Variants in SPDYE1 observed in about 807,000 individuals in gnomAD.
SPDYE1 encodes the protein speedy/RINGO cell cycle regulator family member E1.
SPDYE1 carries 29 observed loss-of-function variants against 45.9 expected under a neutral mutation model. The ratio of observed to expected loss-of-function variants is 0.63; its 90% CI spans 0.47 to 0.86. SPDYE1 has a LOEUF of 0.86. SPDYE1 is among the 40% of genes least tolerant of loss of function. SPDYE1 has a pLI of 0.00. For missense variants in SPDYE1, 346 were observed against 481.4 expected, an observed-to-expected ratio of 0.72 and a Z score of 2.63; for synonymous variants, 134 against 176.8, an observed-to-expected ratio of 0.76 and a Z score of 1.92.
intron 3 of SPDYE1, among the ~76,000 whole-genome samples, chr7:44,002,323 A>AC (rs1299767073): frequency 1.5e-5 from 2 of 129,414 alleles, no homozygotes; most frequent in Admixed American, 8.0e-5. Flanking sequence ...CAACAACAAA[A>AC]AAAAAAAAAA....
chr7:44,009,544 T>C lies in SPDYE1; in HGVS notation c.*923T>C, dbSNP rs986538563. The C allele has an allele frequency of 8.6e-5, 13 of 150,386 alleles. No homozygotes were observed. Among genetic ancestry groups the C allele is most frequent in the Middle Eastern group, 3.2e-3 (1 of 308 alleles). The allele number at this position is 150,386 out of a possible 1,614,324, so 9.3% of individuals were successfully genotyped here. A position where few individuals can be genotyped will look rare whatever the true frequency, so the allele number is the denominator to read the frequency against. On this transcript the variant is annotated 3_prime_UTR_variant, in exon 9 of 9. Coordinates refer to ENST00000693451, the MANE Select transcript of SPDYE1 (RefSeq NM_001378423.2). Reference sequence around the variant, plus strand: ...AACACGTCTAATATATACTATTTTATTGGTTTATTTTGAAAAACATGGGTA... The same window carrying C: ...AACACGTCTAATATATACTATTTTACTGGTTTATTTTGAAAAACATGGGTA...
intron 6 of SPDYE1, 126 bp from the exon 7 acceptor site, chr7:44,007,142 T>A: frequency 6.3e-7 from 1 of 1,582,670 alleles, no homozygotes; most frequent in Middle Eastern, 2.3e-4. Flanking sequence ...AAGGCATGGC[T>A]CTCTGCAGGG....
rs146921352 is a variant in SPDYE1, at chr7:44,001,199, G to A, written c.294G>A (p.Thr98=). The A allele has an allele frequency of 7.0e-4, 1,125 of 1,598,268 alleles. 7 individuals carry two copies. In the African/African-American group the frequency reaches 0.013, roughly 19 times the overall value. ...PEPEETWVVE[T]LCGLKMKLKQ... The stretch of plus-strand genomic sequence containing the variant: ...CTGAGGAGACCTGGGTAGTGGAGAC[G>A]CTGTGTGGGCTCAAGATGAAGCTGA... The change falls in exon 3 of 9, where the codon ACG becomes ACA. Residue 98 remains threonine, a synonymous_variant. Coordinates refer to ENST00000693451, the MANE Select transcript of SPDYE1 (RefSeq NM_001378423.2).
chr7:44,004,586 G>A (rs1273542388), intron 5 of SPDYE1: 1 of 188,680 alleles, frequency 5.3e-6, no homozygotes, highest in Admixed American at 5.3e-5. Flanking sequence ...TTCTCGAACT[G>A]TTGGGCTCAC....
chr7:43,998,683 A>T (rs4049556), intron 1 of SPDYE1, among the ~76,000 whole-genome samples: 4,572 of 85,260 alleles, frequency 0.054, 202 homozygotes, highest in South Asian at 0.098. Context: ...TCAAAAAAAA[A>T]TTTTTTGACA....
At chr7:44,004,194 C>G (rs1326524696) in intron 5 of SPDYE1, 32 of 537,494 alleles carry the variant, frequency 6.0e-5, no homozygotes, top group African/African-American at 5.3e-4. Flanking sequence ...ACCACCACGC[C>G]TGGCTAATTT....
In SPDYE1 at chr7:43,997,972, C is replaced by A. The variant is rs2128774700; in HGVS notation, c.-423+13C>A. ...AGGGGAAATGCAGGTGACTCAGCCCCTATTCCTCCATCAAACCAGGCTTGA... is the reference window on the plus strand; with the variant it reads ...AGGGGAAATGCAGGTGACTCAGCCCATATTCCTCCATCAAACCAGGCTTGA... On this transcript the variant is annotated intron_variant, in intron 1 of 8. Coordinates refer to ENST00000693451, the MANE Select transcript of SPDYE1 (RefSeq NM_001378423.2). 6.6e-6 allele frequency among the ~76,000 whole-genome samples: 1 copy of A among 152,318 alleles called. No homozygotes were observed. Among genetic ancestry groups the A allele is most frequent in the African/African-American group, 2.4e-5 (1 of 41,576 alleles).
In SPDYE1 at chr7:43,998,429, G is replaced by A. The variant is rs1438084761; in HGVS notation, c.-423+470G>A. On this transcript the variant is annotated intron_variant, in intron 1 of 8. Coordinates refer to ENST00000693451, the MANE Select transcript of SPDYE1 (RefSeq NM_001378423.2). ...CCATGAGTTCAAGTGATTCTCCAGC[G>A]CCCTCTCCTGAGTAGCTGCGATTAC... is the stretch of plus-strand genomic sequence containing the variant. Among the ~76,000 whole-genome samples, 31 of 151,238 alleles carry A rather than the reference G, an allele frequency of 2.0e-4. No homozygotes were observed. The East Asian group carries it at 4.7e-3, about 23-fold the overall frequency.
At chr7:44,000,678 G>A (rs1339848771) in intron 2 of SPDYE1, among the ~76,000 whole-genome samples, 3 of 151,736 alleles carry the variant, frequency 2.0e-5, no homozygotes, top group African/African-American at 7.3e-5. Context: ...TGTAATCCCA[G>A]CCACCTGAGA....
intron 1 of SPDYE1, among the ~76,000 whole-genome samples, chr7:43,998,312 G>A (rs2096058168): frequency 1.3e-5 from 2 of 151,756 alleles, no homozygotes; most frequent in African/African-American, 2.4e-5. Context: ...GAACTCACTC[G>A]CAGGTTCTTT....
intron 6 of SPDYE1, 74 bp from the exon 7 acceptor site, chr7:44,007,194 C>G (rs1299266432): frequency 2.0e-5 from 32 of 1,611,604 alleles, no homozygotes; most frequent in Non-Finnish European, 2.7e-5. Context: ...TTACCTTCCT[C>G]TCTGGGAAGC....
At position 44,009,284 on chromosome 7, in the gene SPDYE1, A is replaced by C. The variant is rs2096075940; in HGVS notation, c.*663A>C. ...ATAATTTTCTTTTCATTTTTGAGAC[A>C]ATTCTTTTTATCCTAAATATTTTAT... On this transcript the variant is annotated 3_prime_UTR_variant, in exon 9 of 9. Coordinates refer to ENST00000693451, the MANE Select transcript of SPDYE1 (RefSeq NM_001378423.2). 6.6e-6 allele frequency: 1 copy of C among 150,448 alleles called. No homozygotes were observed. The highest frequency in any genetic ancestry group is 2.5e-5 in the African/African-American group (1 of 40,166). 9.3% of individuals were successfully genotyped at this position (150,448 alleles called of 1,614,324 possible).
rs1431904447 is a variant in SPDYE1, at chr7:43,999,888, C to T, written c.-62C>T. The T allele has an allele frequency of 1.0e-6, 1 of 975,540 alleles. No individual in the cohort carries two copies. Among genetic ancestry groups the T allele is most frequent in the South Asian group, 4.8e-5 (1 of 20,752 alleles). 60.4% of individuals were successfully genotyped at this position (975,540 alleles called of 1,614,324 possible). A position where few individuals can be genotyped will look rare whatever the true frequency, so the allele number is the denominator to read the frequency against. ...CAGAGCTGTTCTCCACTCCTGACTTCTCCTAGGCTTGAGAATTGATAACAT... is the reference window on the plus strand; with the variant it reads ...CAGAGCTGTTCTCCACTCCTGACTTTTCCTAGGCTTGAGAATTGATAACAT... On this transcript the variant is annotated 5_prime_UTR_variant, in exon 2 of 9. Coordinates refer to ENST00000693451, the MANE Select transcript of SPDYE1 (RefSeq NM_001378423.2).
intron 5 of SPDYE1, chr7:44,004,903 T>G (rs1299165250): frequency 1.7e-6 from 1 of 597,300 alleles, no homozygotes; most frequent in African/African-American, 1.9e-5. Context: ...CCTCCAAAGA[T>G]CCCATCGGAG....
intron 1 of SPDYE1, among the ~76,000 whole-genome samples, chr7:43,999,210 G>C (rs1294882663): frequency 7.2e-5 from 11 of 152,194 alleles, no homozygotes; most frequent in African/African-American, 2.7e-4. Context: ...TGTGAGCTCA[G>C]GGGCAGTTTC....
chr7:44,007,092 G>A (rs181599970), intron 6 of SPDYE1, 176 bp from the exon 7 acceptor site: 19 of 1,449,304 alleles, frequency 1.3e-5, no homozygotes, highest in South Asian at 7.0e-5. Flanking sequence ...AGTGGGAGAC[G>A]CTCTTGATCA....
chr7:43,999,703 G>T lies in SPDYE1; in HGVS notation c.-247G>T, dbSNP rs539561340. Among the ~76,000 whole-genome samples the T allele has an allele frequency of 2.9e-3, 415 of 143,200 alleles. 1 individual carries two copies. Among genetic ancestry groups the T allele is most frequent in the Middle Eastern group, 0.021 (6 of 292 alleles). The allele number at this position is 143,200 out of a possible 152,430, so 93.9% of individuals were successfully genotyped here. A position where few individuals can be genotyped will look rare whatever the true frequency, so the allele number is the denominator to read the frequency against. On this transcript the variant is annotated 5_prime_UTR_variant, in exon 2 of 9. The change creates a new upstream start codon in the 5' untranslated region. Transcript: ENST00000693451. The stretch of plus-strand genomic sequence containing the variant: ...AGTGGCAGGAGATACCATTCACCCA[G>T]GATCTCCAGGACAAGAGATCAGCCT...
intron 8 of SPDYE1, 102 bp downstream of exon 8, chr7:44,007,915 C>A: frequency 6.6e-7 from 1 of 1,526,660 alleles, no homozygotes; most frequent in Non-Finnish European, 8.8e-7. Context: ...GGCAACGTGG[C>A]GAGATCCCCT....
intron 3 of SPDYE1, 31 bp from the exon 4 acceptor site, chr7:44,002,559 C>A: frequency 6.4e-7 from 1 of 1,560,170 alleles, no homozygotes. Context: ...ACTGCAGAAG[C>A]ATTACACCGT....
Sources: gnomAD v4.1 joint callset for allele counts (sites outside exome capture counted in the v4.1 genomes callset) on GRCh38, gnomAD v4.1.1 for gene constraint, MANE v1.5 for transcripts, NCBI Gene and HGNC (gene_info 2026-07-23, HGNC 2026-07-21) for gene names.